The following RAB4A variants were observed in gnomAD, a reference collection of about 807,000 sequenced individuals.
RAB4A encodes the protein ras-related protein Rab-4A.
A neutral mutation model predicts 34.5 loss-of-function variants in RAB4A; 20 were observed. The ratio of observed to expected loss-of-function variants is 0.58; its 90% CI spans 0.41 to 0.84. The LOEUF is 0.84. Among genes scored for constraint, RAB4A ranks in the 40% least tolerant of loss-of-function variants. The pLI is 0.00. For missense variants in RAB4A, 228 were observed against 274.5 expected, an observed-to-expected ratio of 0.83 and a Z score of 1.20; for synonymous variants, 102 against 100.0, an observed-to-expected ratio of 1.02 and a Z score of -0.12.
chr1:229,293,443 A>T (rs187379143), intron 3 of RAB4A, among the ~76,000 whole-genome samples: 3 of 152,300 alleles, frequency 2.0e-5, no homozygotes, highest in Non-Finnish European at 4.4e-5. Context: ...TCCCACAGTT[A>T]TCTCCTTGGC....
chr1:229,275,895 G>C (rs1226065184), intron 1 of RAB4A, among the ~76,000 whole-genome samples: 1 of 151,064 alleles, frequency 6.6e-6, no homozygotes, highest in African/African-American at 2.5e-5. Flanking sequence ...CAGAGTGCTG[G>C]GTTTACAGGC....
At chr1:229,280,287 G>C (rs898535927) in intron 1 of RAB4A, among the ~76,000 whole-genome samples, 6 of 152,204 alleles carry the variant, frequency 3.9e-5, no homozygotes, top group Non-Finnish European at 8.8e-5. Context: ...ATTTCTGTGA[G>C]ATCCAGGTAA....
At chr1:229,296,979 C>A (rs977759606) in intron 4 of RAB4A, among the ~76,000 whole-genome samples, 27 of 152,152 alleles carry the variant, frequency 1.8e-4, no homozygotes, top group African/African-American at 6.5e-4. Flanking sequence ...GCTGTATGAC[C>A]TAGGGCAACG....
At position 229,297,475 on chromosome 1, in the gene RAB4A, T is replaced by C. The variant is rs745778521; in HGVS notation, c.291-7T>C. ...ATGTATTATTTTCACAATCTTATATTACGCAGCCGAGAAACCTACAATGCG... is the reference window on the plus strand; with the variant it reads ...ATGTATTATTTTCACAATCTTATATCACGCAGCCGAGAAACCTACAATGCG... On this transcript the variant is annotated splice_region_variant and splice_polypyrimidine_tract_variant and intron_variant, in intron 4 of 7. Coordinates refer to ENST00000366690, the MANE Select transcript of RAB4A (RefSeq NM_004578.4). 4 of 1,584,986 alleles carry C rather than the reference T, an allele frequency of 2.5e-6. No individual in the cohort carries two copies. The highest frequency in any genetic ancestry group is 1.7e-6 in the Non-Finnish European group (2 of 1,170,924).
At chr1:229,299,587 T>G (rs1657330488) in intron 6 of RAB4A, among the ~76,000 whole-genome samples, 3 of 152,246 alleles carry the variant, frequency 2.0e-5, no homozygotes, top group Admixed American at 2.0e-4. Flanking sequence ...TGTATTTGCT[T>G]ATTAAAATAA....
intron 1 of RAB4A, among the ~76,000 whole-genome samples, chr1:229,272,466 G>A (rs545358364): frequency 6.6e-6 from 1 of 152,300 alleles, no homozygotes; most frequent in Admixed American, 6.5e-5. Context: ...ATGGAGCGTA[G>A]TCTATTGAGG....
chr1:229,289,839 G>A lies in RAB4A; in HGVS notation c.227+996G>A, dbSNP rs183617190. ...CTCAAAAATTAATTAAGTAATTGAAGTTCAATAATTGCTTCAAAAATACCA... is the reference window on the plus strand; with the variant it reads ...CTCAAAAATTAATTAAGTAATTGAAATTCAATAATTGCTTCAAAAATACCA... On this transcript the variant is annotated intron_variant, in intron 3 of 7. Coordinates refer to ENST00000366690, the MANE Select transcript of RAB4A (RefSeq NM_004578.4). Among the ~76,000 whole-genome samples, 66 of 152,212 alleles carry A rather than the reference G, an allele frequency of 4.3e-4. 1 individual carries two copies. Among genetic ancestry groups the A allele is most frequent in the Admixed American group, 3.7e-3 (56 of 15,284 alleles).
chr1:229,289,566 G>C (rs757066457), intron 3 of RAB4A, among the ~76,000 whole-genome samples: 3 of 152,334 alleles, frequency 2.0e-5, no homozygotes, highest in Admixed American at 1.3e-4. Flanking sequence ...TGTAATCCCA[G>C]CACTTTGGGA....
chr1:229,298,295 AC>A (rs1181643975), intron 5 of RAB4A, among the ~76,000 whole-genome samples: 9 of 152,250 alleles, frequency 5.9e-5, no homozygotes, highest in Admixed American at 5.2e-4. Context: ...AAGAAAATAA[AC>A]ATGAGAGAAA....
chr1:229,271,401 G>C, intron 1 of RAB4A, 31 bp downstream of exon 1: 1 of 1,213,158 alleles, frequency 8.2e-7, no homozygotes, highest in South Asian at 3.9e-5. Context: ...GGGCGCGCGG[G>C]TCGGGCCGCG....
chr1:229,273,266 C>T (rs1483482491), intron 1 of RAB4A, among the ~76,000 whole-genome samples: 1 of 152,240 alleles, frequency 6.6e-6, no homozygotes, highest in African/African-American at 2.4e-5. Flanking sequence ...GGCATCTCCA[C>T]TTCAGACACA....
At chr1:229,272,813 T>C (rs1459325322) in intron 1 of RAB4A, among the ~76,000 whole-genome samples, 1 of 152,204 alleles carries the variant, frequency 6.6e-6, no homozygotes, top group East Asian at 1.9e-4. Context: ...CCACCTTCAG[T>C]GAGTGACTCC....
chr1:229,277,338 GA>G (rs1480274410), intron 1 of RAB4A, among the ~76,000 whole-genome samples: 11 of 151,216 alleles, frequency 7.3e-5, no homozygotes, highest in African/African-American at 2.7e-4. Flanking sequence ...GCACACTGCA[GA>G]GTCCCATGAT....
chr1:229,280,262 A>C (rs1571823393), intron 1 of RAB4A, among the ~76,000 whole-genome samples: 1 of 152,360 alleles, frequency 6.6e-6, no homozygotes, highest in East Asian at 1.9e-4. Flanking sequence ...AACATGATGC[A>C]TTCCTGCCAG....
In RAB4A at chr1:229,305,654, G is replaced by A. The variant is rs547158739; in HGVS notation, c.*1861G>A. 3.7e-5 allele frequency: 6 copies of A among 163,216 alleles called. No homozygotes were observed. The South Asian group carries it at 1.2e-3, about 33-fold the overall frequency. The allele number at this position is 163,216 out of a possible 1,614,324, so 10.1% of individuals were successfully genotyped here. A position where few individuals can be genotyped will look rare whatever the true frequency, so the allele number is the denominator to read the frequency against. ...GCTCTTAATTTAGATTTCTAGGAAA[G>A]TAATTATTCAGTCTTCCTAGAAAAA... is the stretch of plus-strand genomic sequence containing the variant. On this transcript the variant is annotated 3_prime_UTR_variant, in exon 8 of 8. Transcript: ENST00000366690.
rs1041481707 is a variant in RAB4A at position 229,301,653 on chromosome 1, C to G, written c.542-1209C>G. 3.9e-5 allele frequency among the ~76,000 whole-genome samples: 6 copies of G among 151,930 alleles called. No individual in the cohort carries two copies. The South Asian group carries it at 1.2e-3, about 32-fold the overall frequency. On this transcript the variant is annotated intron_variant, in intron 6 of 7. Transcript: ENST00000366690. ...GAGATCATCAAAATCATAAGTACCT[C>G]TAGGTGAAAAAAATATAAGAGTATA...
chr1:229,295,971 C>A, intron 4 of RAB4A, 61 bp downstream of exon 4: 1 of 1,566,044 alleles, frequency 6.4e-7, no homozygotes, highest in South Asian at 1.1e-5. Context: ...AAAGGCTGGT[C>A]TTGGCGAGGT....
intron 6 of RAB4A, among the ~76,000 whole-genome samples, chr1:229,302,295 A>ATTT (rs1657423341): frequency 4.0e-5 from 1 of 25,200 alleles, no homozygotes; most frequent in African/African-American, 2.0e-4. Flanking sequence ...ATATATATAT[A>ATTT]TATATATATA....
chr1:229,276,156 AT>A (rs1656644549), intron 1 of RAB4A, among the ~76,000 whole-genome samples: 3 of 151,354 alleles, frequency 2.0e-5, no homozygotes, highest in Admixed American at 2.0e-4. Context: ...GCTGGTGAAC[AT>A]TTCAAGTACC....
Sources: gnomAD v4.1 joint callset for allele counts (sites outside exome capture counted in the v4.1 genomes callset) on GRCh38, gnomAD v4.1.1 for gene constraint, MANE v1.5 for transcripts, NCBI Gene and HGNC (gene_info 2026-07-23, HGNC 2026-07-21) for gene names.